TMEM184C: variants seen among roughly 807,000 people sequenced by gnomAD.
The protein encoded by TMEM184C is transmembrane protein 184C.
In TMEM184C, 25 loss-of-function variants were observed where a neutral mutation model predicts 54.5. The observed-to-expected ratio is 0.46, with a 90% confidence interval of 0.33 to 0.64. The LOEUF is 0.64. Ranked by LOEUF, TMEM184C falls within the 30% of genes least tolerant of loss-of-function variation. The pLI, the probability that TMEM184C is intolerant of heterozygous loss-of-function variation, is 0.02. For missense variants in TMEM184C, 335 were observed against 520.3 expected, an observed-to-expected ratio of 0.64 and a Z score of 3.46; for synonymous variants, 148 against 181.5, an observed-to-expected ratio of 0.82 and a Z score of 1.49.
chr4:147,634,683 C>T lies in TMEM184C; in HGVS notation c.*249C>T. ...ATACTCAAATGGTAGACAATGACCC[C>T]AACTAAATCTTCCTGATGTTACACT... On this transcript the variant is annotated 3_prime_UTR_variant, in exon 10 of 10. Transcript: ENST00000296582. 4 of 418,976 alleles carry T rather than the reference C, an allele frequency of 9.5e-6. No individual in the cohort carries two copies. The highest frequency in any genetic ancestry group is 1.3e-5 in the Non-Finnish European group (3 of 236,028). The allele number at this position is 418,976 out of a possible 1,614,324, so 26.0% of individuals were successfully genotyped here.
intron 1 of TMEM184C, among the ~76,000 whole-genome samples, chr4:147,621,735 A>G (rs1450023130): frequency 6.6e-6 from 1 of 152,184 alleles, no homozygotes; most frequent in African/African-American, 2.4e-5. Context: ...TACCACTTGC[A>G]CTGTAAAAAT....
chr4:147,618,147 C>G, intron 1 of TMEM184C, 68 bp downstream of exon 1: 1 of 1,599,348 alleles, frequency 6.3e-7, no homozygotes, highest in Non-Finnish European at 8.6e-7. Context: ...AAAGAGACAC[C>G]CTTACCCCAT....
chr4:147,632,649 C>A, intron 7 of TMEM184C: 1 of 391,094 alleles, frequency 2.6e-6, no homozygotes, highest in Non-Finnish European at 4.6e-6. Flanking sequence ...TTAAATTTTA[C>A]CTGGGGCCAT....
intron 1 of TMEM184C, among the ~76,000 whole-genome samples, chr4:147,619,484 C>T (rs1184583284): frequency 2.0e-5 from 3 of 152,170 alleles, no homozygotes; most frequent in African/African-American, 4.8e-5. Context: ...CATGAGCCAC[C>T]GCACCCGGCC....
chr4:147,623,361 G>A (rs1399828942), intron 1 of TMEM184C, among the ~76,000 whole-genome samples: 4 of 151,700 alleles, frequency 2.6e-5, no homozygotes, highest in African/African-American at 7.3e-5. Flanking sequence ...CTTGAACCCC[G>A]GAGGCAGAGG....
rs1031803062 is a variant in TMEM184C at position 147,635,124 on chromosome 4, G to C, written c.*690G>C. 6.6e-6 allele frequency: 1 copy of C among 152,174 alleles called. No individual in the cohort carries two copies. The highest frequency in any genetic ancestry group is 1.5e-5 in the Non-Finnish European group (1 of 68,040). The allele number at this position is 152,174 out of a possible 1,614,324, so 9.4% of individuals were successfully genotyped here. A position where few individuals can be genotyped will look rare whatever the true frequency, so the allele number is the denominator to read the frequency against. ...AAGCATAATGCAGAAATACGAATTAGTGGAACTTAATCATGTGCCATATAA... is the reference window on the plus strand; with the variant it reads ...AAGCATAATGCAGAAATACGAATTACTGGAACTTAATCATGTGCCATATAA... On this transcript the variant is annotated 3_prime_UTR_variant, in exon 10 of 10. Transcript: ENST00000296582.
rs1001705919 is a variant in TMEM184C, at chr4:147,635,644, T to C, written c.*1210T>C. The C allele has an allele frequency of 6.6e-6, 1 of 152,166 alleles. No homozygotes were observed. Among genetic ancestry groups the C allele is most frequent in the Non-Finnish European group, 1.5e-5 (1 of 67,996 alleles). 9.4% of individuals were successfully genotyped at this position (152,166 alleles called of 1,614,324 possible). A position where few individuals can be genotyped will look rare whatever the true frequency, so the allele number is the denominator to read the frequency against. ...ATCTATCTATATATATAGAGAGAGA[T>C]AGTGGTTCACAGTAATCATACAAAG... On this transcript the variant is annotated 3_prime_UTR_variant, in exon 10 of 10. Coordinates refer to ENST00000296582, the MANE Select transcript of TMEM184C (RefSeq NM_018241.3).
At position 147,634,964 on chromosome 4, in the gene TMEM184C, C is replaced by T. The variant is rs1287390412; in HGVS notation, c.*530C>T. 2 of 152,232 alleles carry T rather than the reference C, an allele frequency of 1.3e-5. No individual in the cohort carries two copies. The highest frequency in any genetic ancestry group is 4.8e-5 in the African/African-American group (2 of 41,372). The allele number at this position is 152,232 out of a possible 1,614,324, so 9.4% of individuals were successfully genotyped here. A position where few individuals can be genotyped will look rare whatever the true frequency, so the allele number is the denominator to read the frequency against. ...ATGGTCTTGATCTGACCTCGTGATC[C>T]GCCGACCTCGGCCTCCCAAAGTGCT... On this transcript the variant is annotated 3_prime_UTR_variant, in exon 10 of 10. Coordinates refer to ENST00000296582, the MANE Select transcript of TMEM184C (RefSeq NM_018241.3).
chr4:147,632,172 C>CAAAA (rs537342410), intron 7 of TMEM184C, among the ~76,000 whole-genome samples: 26 of 123,112 alleles, frequency 2.1e-4, no homozygotes, highest in African/African-American at 6.9e-4. Context: ...AACTCTGTCT[C>CAAAA]AAAAAAAAAA....
chr4:147,634,642 A>C lies in TMEM184C; in HGVS notation c.*208A>C, dbSNP rs527602931. ...TTCCTAGACTTAGACTTGATTTCTT[A>C]ACATTAGGGTATCGCATACTCAAAT... On this transcript the variant is annotated 3_prime_UTR_variant, in exon 10 of 10. Transcript: ENST00000296582. The C allele has an allele frequency of 1.1e-4, 62 of 558,116 alleles. No homozygotes were observed. The highest frequency in any genetic ancestry group is 3.0e-4 in the Admixed American group (9 of 30,042). The allele number at this position is 558,116 out of a possible 1,614,324, so 34.6% of individuals were successfully genotyped here.
At chr4:147,633,128 A>G (rs1036548389) in intron 8 of TMEM184C, 126 bp downstream of exon 8, 10 of 704,718 alleles carry the variant, frequency 1.4e-5, no homozygotes, top group Middle Eastern at 2.6e-4. Flanking sequence ...GTGAGAAAAC[A>G]GGGGAACCCT....
rs777121649 is a variant in TMEM184C, at chr4:147,634,244, T to C, written c.1127T>C (p.Leu376Ser). The C allele has an allele frequency of 1.9e-6, 3 of 1,614,160 alleles. No homozygotes were observed. The highest frequency in any genetic ancestry group is 2.5e-6 in the Non-Finnish European group (3 of 1,180,026). The change falls in exon 10 of 10, where the codon TTA becomes TCA. Residue 376 changes from leucine to serine, a missense_variant. Leu to Ser is a moderately radical substitution (Grantham distance 145). Coordinates refer to ENST00000296582, the MANE Select transcript of TMEM184C (RefSeq NM_018241.3). Reference sequence around the variant, plus strand: ...GATCAAAATGAACATACAAGTTTATTATCATCATCATCACAAGATGCAATT... The same window carrying C: ...GATCAAAATGAACATACAAGTTTATCATCATCATCATCACAAGATGCAATT... ...DQDQNEHTSL[L>S]SSSSQDAISI...
intron 5 of TMEM184C, among the ~76,000 whole-genome samples, 160 bp from the exon 6 acceptor site, chr4:147,629,439 T>C (rs10519911): frequency 0.035 from 5,313 of 152,098 alleles, 228 homozygotes; most frequent in East Asian, 0.22. Flanking sequence ...TGTCAATGGA[T>C]CTCTCAAATA....
chr4:147,628,304 A>G (rs1578860215), intron 4 of TMEM184C, 57 bp from the exon 5 acceptor site: 3 of 1,401,980 alleles, frequency 2.1e-6, no homozygotes, highest in African/African-American at 2.9e-5. Flanking sequence ...GGCTTTGGGG[A>G]AAATCTGATG....
At position 147,635,252 on chromosome 4, in the gene TMEM184C, T is replaced by TAAAC. The variant is rs1732998353; in HGVS notation, c.*820_*823dup. 1 of 152,188 alleles carries TAAAC rather than the reference T, an allele frequency of 6.6e-6. No homozygotes were observed. The highest frequency in any genetic ancestry group is 6.5e-5 in the Admixed American group (1 of 15,280). 9.4% of individuals were successfully genotyped at this position (152,188 alleles called of 1,614,324 possible). ...TGCAACTTTTTTATGTCTCATTCTT[T>TAAAC]AAACATTAAAAACCCTTAATATTTT... On this transcript the variant is annotated 3_prime_UTR_variant, in exon 10 of 10. Transcript: ENST00000296582.
intron 4 of TMEM184C, among the ~76,000 whole-genome samples, chr4:147,626,426 A>G (rs1211310312): frequency 1.3e-5 from 2 of 152,220 alleles, no homozygotes; most frequent in African/African-American, 4.8e-5. Context: ...TAATTTTGCA[A>G]AGGCAGTTTC....
At chr4:147,633,987 T>C in intron 9 of TMEM184C, 51 bp downstream of exon 9, 2 of 1,568,834 alleles carry the variant, frequency 1.3e-6, no homozygotes, top group Non-Finnish European at 1.7e-6. Flanking sequence ...GGATATTGAA[T>C]TTCTCCTACT....
Position 147,624,074 on chromosome 4 carries a change from GGTACCTATTTACAGTTTAGATA to G in TMEM184C, c.270_291del (p.Pro91GlyfsTer2). The G allele has an allele frequency of 6.2e-7, 1 of 1,606,090 alleles. No individual in the cohort carries two copies. The highest frequency in any genetic ancestry group is 8.5e-7 in the Non-Finnish European group (1 of 1,173,908). On this transcript the variant is annotated frameshift_variant and splice_region_variant, in exon 3 of 10. Coordinates refer to ENST00000296582, the MANE Select transcript of TMEM184C (RefSeq NM_018241.3). LOFTEE classifies it high-confidence loss of function. ...CCTTTTCCAATAGGATTCTTTGGATGGTACCTATTTACAGTTTAGATAGTGTAAGTATGTTTCATTTTTATCT... is the reference window on the plus strand; with the variant it reads ...CCTTTTCCAATAGGATTCTTTGGATGGTGTAAGTATGTTTCATTTTTATCT...
At position 147,617,826 on chromosome 4, in the gene TMEM184C, G is replaced by T; in HGVS notation, c.-131G>T. On this transcript the variant is annotated 5_prime_UTR_variant, in exon 1 of 10. Transcript: ENST00000296582. Reference sequence around the variant, plus strand: ...GCCGGTCCAGGAGGCGGCTCGAGCTGTTCGTAAAGTCGCCCGACAGCTTTT... The same window carrying T: ...GCCGGTCCAGGAGGCGGCTCGAGCTTTTCGTAAAGTCGCCCGACAGCTTTT... 7 of 1,351,086 alleles carry T rather than the reference G, an allele frequency of 5.2e-6. No homozygotes were observed. In the Middle Eastern group the frequency reaches 7.8e-4, roughly 151 times the overall value. The allele number at this position is 1,351,086 out of a possible 1,614,324, so 83.7% of individuals were successfully genotyped here.
Sources: gnomAD v4.1 joint callset for allele counts (sites outside exome capture counted in the v4.1 genomes callset) on GRCh38, gnomAD v4.1.1 for gene constraint, MANE v1.5 for transcripts, NCBI Gene and HGNC (gene_info 2026-07-23, HGNC 2026-07-21) for gene names.